The following PTN variants were observed in gnomAD, a reference collection of about 807,000 sequenced individuals.
PTN encodes the protein pleiotrophin.
In PTN, 18 loss-of-function variants were observed where a neutral mutation model predicts 24.1. That is an observed-to-expected ratio of 0.75 (90% CI 0.52 to 1.11). The LOEUF is 1.11. Among genes scored for constraint, PTN ranks in the 50% least tolerant of loss-of-function variants. The pLI is 0.00. For synonymous variants in PTN, 78 were observed against 68.6 expected, an observed-to-expected ratio of 1.14 and a Z score of -0.67; for missense variants, 163 against 198.8, an observed-to-expected ratio of 0.82 and a Z score of 1.08.
intron 4 of PTN, among the ~76,000 whole-genome samples, chr7:137,238,361 C>A (rs75746312): frequency 0.019 from 2,885 of 152,232 alleles, 98 homozygotes; most frequent in African/African-American, 0.067. Flanking sequence ...TTCGCCCTTA[C>A]TCTCAAGGAA....
chr7:137,300,399 G>A (rs1037309752), intron 1 of PTN, among the ~76,000 whole-genome samples: 4 of 152,034 alleles, frequency 2.6e-5, no homozygotes, highest in African/African-American at 9.6e-5. Context: ...CTAGGGACCA[G>A]AGACAGAGCA....
At chr7:137,232,864 G>A (rs1808451579) in intron 4 of PTN, among the ~76,000 whole-genome samples, 1 of 151,896 alleles carries the variant, frequency 6.6e-6, no homozygotes, top group Admixed American at 6.6e-5. Context: ...TAAGTGTCTG[G>A]CATCTCCCCT....
intron 4 of PTN, among the ~76,000 whole-genome samples, chr7:137,229,479 A>C (rs1808392160): frequency 6.6e-6 from 1 of 151,782 alleles, no homozygotes; most frequent in African/African-American, 2.4e-5. Context: ...TAGAGCTGGA[A>C]ACTTTTCCAT....
intron 1 of PTN, among the ~76,000 whole-genome samples, chr7:137,285,072 G>T (rs1298224119): frequency 1.3e-5 from 2 of 152,004 alleles, no homozygotes; most frequent in African/African-American, 2.4e-5. Context: ...TATATAAATG[G>T]TAAGTATACA....
chr7:137,312,352 G>A (rs184568738), intron 1 of PTN, among the ~76,000 whole-genome samples: 1 of 152,328 alleles, frequency 6.6e-6, no homozygotes, highest in East Asian at 1.9e-4. Flanking sequence ...TTCTACCAAT[G>A]ACAGAGAGCA....
intron 1 of PTN, among the ~76,000 whole-genome samples, chr7:137,257,597 T>A (rs1475769883): frequency 1.3e-5 from 2 of 152,250 alleles, no homozygotes; most frequent in African/African-American, 4.8e-5. Flanking sequence ...AGAGGCTGGC[T>A]GAAAGCCTTC....
intron 1 of PTN, among the ~76,000 whole-genome samples, chr7:137,307,792 G>A (rs182917104): frequency 1.3e-4 from 20 of 152,170 alleles, no homozygotes; most frequent in African/African-American, 4.8e-4. Flanking sequence ...AAAGGCAGAC[G>A]AAGTAATTTG....
At chr7:137,305,890 A>G (rs899772205) in intron 1 of PTN, among the ~76,000 whole-genome samples, 1 of 152,130 alleles carries the variant, frequency 6.6e-6, no homozygotes, top group African/African-American at 2.4e-5. Context: ...TAGAATAATC[A>G]GAGATTCTAT....
At chr7:137,299,540 T>G (rs1010677005) in intron 1 of PTN, among the ~76,000 whole-genome samples, 12 of 151,852 alleles carry the variant, frequency 7.9e-5, no homozygotes, top group African/African-American at 2.9e-4. Context: ...AATGGCACAG[T>G]GCAGAATAAA....
At chr7:137,314,597 C>T (rs1585041130) in intron 1 of PTN, among the ~76,000 whole-genome samples, 3 of 131,844 alleles carry the variant, frequency 2.3e-5, no homozygotes, top group Non-Finnish European at 3.1e-5. Context: ...TTACATGATG[C>T]TTTTTTTTTT....
intron 1 of PTN, among the ~76,000 whole-genome samples, chr7:137,318,391 C>A (rs185131592): frequency 2.2e-4 from 34 of 152,248 alleles, no homozygotes; most frequent in Admixed American, 2.0e-3. Context: ...TCCAGCGATT[C>A]CAGAGACTTC....
chr7:137,229,812 T>C (rs1008173282), intron 4 of PTN, among the ~76,000 whole-genome samples: 3 of 151,910 alleles, frequency 2.0e-5, no homozygotes, highest in Non-Finnish European at 4.4e-5. Context: ...AAGTGAAAGA[T>C]ACATTTTAGA....
chr7:137,282,218 G>A (rs1297709236), intron 1 of PTN, among the ~76,000 whole-genome samples: 1 of 152,202 alleles, frequency 6.6e-6, no homozygotes, highest in Non-Finnish European at 1.5e-5. Context: ...GTAGAAGAGA[G>A]CTATCACTTT....
intron 1 of PTN, among the ~76,000 whole-genome samples, chr7:137,328,074 A>C (rs1211294369): frequency 6.6e-6 from 1 of 152,176 alleles, no homozygotes; most frequent in Non-Finnish European, 1.5e-5. Context: ...ATAAAATAAA[A>C]ATGTCTTACT....
In PTN at chr7:137,268,491, A is replaced by G. The variant is rs567853496; in HGVS notation, c.-1-13517T>C. 5.5e-4 allele frequency among the ~76,000 whole-genome samples: 83 copies of G among 152,048 alleles called. No individual in the cohort carries two copies. In the Middle Eastern group the frequency reaches 0.01, roughly 19 times the overall value. ...CTTCTGTCCCTTTTAAGGGCTAACA[A>G]CTCTAAGGGGGTCCACGTGAGAGGG... On this transcript the variant is annotated intron_variant, in intron 1 of 4. Coordinates refer to ENST00000348225, the MANE Select transcript of PTN (RefSeq NM_002825.7).
At chr7:137,313,110 C>G (rs984915969) in intron 1 of PTN, among the ~76,000 whole-genome samples, 45 of 151,952 alleles carry the variant, frequency 3.0e-4, no homozygotes, top group African/African-American at 1.1e-3. Flanking sequence ...AAACTGAGCC[C>G]TCCTGGCAGC....
chr7:137,270,896 A>G (rs1164831916), intron 1 of PTN, among the ~76,000 whole-genome samples: 1 of 152,240 alleles, frequency 6.6e-6, no homozygotes, highest in Non-Finnish European at 1.5e-5. Context: ...AGAAAGAGCA[A>G]GTGAGGTATG....
chr7:137,322,711 A>T (rs1012053572), intron 1 of PTN, among the ~76,000 whole-genome samples: 2 of 152,142 alleles, frequency 1.3e-5, no homozygotes, highest in African/African-American at 4.8e-5. Flanking sequence ...TTCTTTTTTC[A>T]TGGTACACAT....
chr7:137,249,955 C>G (rs970355744), intron 4 of PTN, among the ~76,000 whole-genome samples: 1 of 152,166 alleles, frequency 6.6e-6, no homozygotes, highest in Non-Finnish European at 1.5e-5. Context: ...AAATAAAGTC[C>G]TTTCTGGCCA....
Sources: gnomAD v4.1 joint callset for allele counts (sites outside exome capture counted in the v4.1 genomes callset) on GRCh38, gnomAD v4.1.1 for gene constraint, MANE v1.5 for transcripts, NCBI Gene and HGNC (gene_info 2026-07-23, HGNC 2026-07-21) for gene names.